HS2ST1: variants seen among roughly 807,000 people sequenced by gnomAD.
HS2ST1 encodes the protein 2-O-sulfotransferase.
In HS2ST1, 18 loss-of-function variants were observed where a neutral mutation model predicts 42.9. That is an observed-to-expected ratio of 0.42 (90% confidence interval 0.29 to 0.62). HS2ST1 has a LOEUF of 0.62. Among genes scored for constraint, HS2ST1 ranks in the 20% least tolerant of loss-of-function variants. The pLI, the probability that HS2ST1 is intolerant of heterozygous loss-of-function variation, is 0.21. For missense variants in HS2ST1, 334 were observed against 433.8 expected, an observed-to-expected ratio of 0.77 and a Z score of 2.04; for synonymous variants, 146 against 152.9, an observed-to-expected ratio of 0.95 and a Z score of 0.33.
At chr1:86,951,112 G>C (rs937878400) in intron 1 of HS2ST1, among the ~76,000 whole-genome samples, 3 of 152,206 alleles carry the variant, frequency 2.0e-5, no homozygotes, top group Non-Finnish European at 4.4e-5. Context: ...TTTATTAGCA[G>C]TACATGCTTC....
intron 1 of HS2ST1, among the ~76,000 whole-genome samples, chr1:87,021,622 C>T (rs1357258880): frequency 6.6e-6 from 1 of 152,166 alleles, no homozygotes; most frequent in African/African-American, 2.4e-5. Flanking sequence ...TCAAGGGATC[C>T]TCCCACCTCA....
intron 1 of HS2ST1, among the ~76,000 whole-genome samples, chr1:87,049,521 T>G (rs1650781118): frequency 6.6e-6 from 1 of 152,096 alleles, no homozygotes; most frequent in South Asian, 2.1e-4. Context: ...TTTTTTTCTT[T>G]GTCCTGTGGG....
intron 4 of HS2ST1, among the ~76,000 whole-genome samples, chr1:87,097,278 A>G (rs999027419): frequency 9.2e-5 from 14 of 152,268 alleles, no homozygotes; most frequent in Admixed American, 6.5e-4. Flanking sequence ...TAAAAAGCAT[A>G]TGAAACAAGT....
chr1:86,923,368 A>G (rs1177511775), intron 1 of HS2ST1, among the ~76,000 whole-genome samples: 2 of 152,148 alleles, frequency 1.3e-5, no homozygotes, highest in East Asian at 3.9e-4. Context: ...GTGGCAGGCA[A>G]AAAATGAGAA....
intron 1 of HS2ST1, among the ~76,000 whole-genome samples, chr1:86,992,203 CA>C (rs1288832248): frequency 6.6e-6 from 1 of 151,750 alleles, no homozygotes; most frequent in Non-Finnish European, 1.5e-5. Context: ...CAAATTCCCC[CA>C]CTCCTCCACC....
In HS2ST1 at chr1:87,105,705, C is replaced by T. The variant is rs1377311765; in HGVS notation, c.*1009C>T. 1 of 152,458 alleles carries T rather than the reference C, an allele frequency of 6.6e-6. No individual in the cohort carries two copies. The highest frequency in any genetic ancestry group is 2.4e-5 in the African/African-American group (1 of 41,418). 9.4% of individuals were successfully genotyped at this position (152,458 alleles called of 1,614,324 possible). A position where few individuals can be genotyped will look rare whatever the true frequency, so the allele number is the denominator to read the frequency against. On this transcript the variant is annotated 3_prime_UTR_variant, in exon 7 of 7. Transcript: ENST00000370550. ...GACCAAAAGGTTACAAGTAATTAGA[C>T]AAAAGTGGTTTTGCACCAATTTTAT...
chr1:86,941,815 C>G (rs1660769569), intron 1 of HS2ST1, among the ~76,000 whole-genome samples: 1 of 152,106 alleles, frequency 6.6e-6, no homozygotes, highest in Non-Finnish European at 1.5e-5. Context: ...ATCAAAGCCC[C>G]TGGTACCTGC....
intron 1 of HS2ST1, among the ~76,000 whole-genome samples, chr1:87,025,385 A>G (rs1302416306): frequency 6.6e-6 from 1 of 152,198 alleles, no homozygotes; most frequent in Admixed American, 6.5e-5. Context: ...CATGCTTTCT[A>G]GTCTCCCTCT....
chr1:86,932,870 T>C (rs1660572881), intron 1 of HS2ST1, among the ~76,000 whole-genome samples: 1 of 152,190 alleles, frequency 6.6e-6, no homozygotes, highest in South Asian at 2.1e-4. Context: ...AAAAAAATAT[T>C]CTTCAAAGTA....
Position 87,105,203 on chromosome 1 carries a change from A to G in HS2ST1, c.*507A>G, listed in dbSNP as rs1233586488. The G allele has an allele frequency of 4.6e-5, 7 of 152,640 alleles. No homozygotes were observed. The highest frequency in any genetic ancestry group is 1.0e-4 in the Non-Finnish European group (7 of 68,058). The allele number at this position is 152,640 out of a possible 1,614,324, so 9.5% of individuals were successfully genotyped here. A position where few individuals can be genotyped will look rare whatever the true frequency, so the allele number is the denominator to read the frequency against. On this transcript the variant is annotated 3_prime_UTR_variant, in exon 7 of 7. Coordinates refer to ENST00000370550, the MANE Select transcript of HS2ST1 (RefSeq NM_012262.4). ...GAAATTTATTGGAATGTTTAATCAT[A>G]TTTGCTAAGAAATGTTTCTGCTGTA...
chr1:87,027,361 G>T (rs1650114524), intron 1 of HS2ST1, among the ~76,000 whole-genome samples: 1 of 152,134 alleles, frequency 6.6e-6, no homozygotes, highest in African/African-American at 2.4e-5. Flanking sequence ...TTAGTGGGAA[G>T]GAAGCATACA....
At chr1:86,959,952 T>A (rs1185906176) in intron 1 of HS2ST1, among the ~76,000 whole-genome samples, 1 of 152,158 alleles carries the variant, frequency 6.6e-6, no homozygotes, top group African/African-American at 2.4e-5. Context: ...ATTCTAAAGT[T>A]TATATTGGTC....
chr1:87,076,268 T>A (rs1651540867), intron 2 of HS2ST1, among the ~76,000 whole-genome samples: 1 of 152,190 alleles, frequency 6.6e-6, no homozygotes, highest in Non-Finnish European at 1.5e-5. Flanking sequence ...TGGTCTGTGA[T>A]CAGATCCTTG....
chr1:87,057,565 C>CTTTTTTTTT (rs33933183), intron 1 of HS2ST1, among the ~76,000 whole-genome samples: 2 of 141,332 alleles, frequency 1.4e-5, no homozygotes, highest in African/African-American at 2.6e-5. Context: ...CCAGAAGGCA[C>CTTTTTTTTT]TTTTTTTTTT....
At chr1:86,971,143 C>A (rs541882669) in intron 1 of HS2ST1, among the ~76,000 whole-genome samples, 18 of 152,158 alleles carry the variant, frequency 1.2e-4, no homozygotes, top group African/African-American at 3.9e-4. Context: ...GCTAGAGATA[C>A]AATGATGGAA....
In HS2ST1 at chr1:87,046,660, C is replaced by G. The variant is rs1650676347; in HGVS notation, c.125-26274C>G. 3 of 1,506,968 alleles carry G rather than the reference C, an allele frequency of 2.0e-6. No individual in the cohort carries two copies. In the South Asian group the frequency reaches 3.8e-5, roughly 19 times the overall value. The allele number at this position is 1,506,968 out of a possible 1,614,324, so 93.3% of individuals were successfully genotyped here. On this transcript the variant is annotated intron_variant, in intron 1 of 6. Coordinates refer to ENST00000370550, the MANE Select transcript of HS2ST1 (RefSeq NM_012262.4). ...ATGCATCAGATCAACAGAATGAACC[C>G]CAGTTAGGCCTGAAAGACCGGCAGG...
chr1:87,000,106 TAA>T (rs140124849), intron 1 of HS2ST1, among the ~76,000 whole-genome samples: 109,335 of 148,718 alleles, frequency 0.74, 41,209 homozygotes, highest in East Asian at 0.97. Context: ...CTTGACTCAT[TAA>T]AAAAAAAAAA....
intron 1 of HS2ST1, among the ~76,000 whole-genome samples, chr1:86,916,845 C>T (rs1346142289): frequency 6.6e-6 from 1 of 152,078 alleles, no homozygotes; most frequent in African/African-American, 2.4e-5. Context: ...TTGGAATTGT[C>T]TGGAGTTGAT....
intron 1 of HS2ST1, among the ~76,000 whole-genome samples, chr1:87,038,778 A>C (rs1650447451): frequency 6.6e-6 from 1 of 152,112 alleles, no homozygotes; most frequent in South Asian, 2.1e-4. Flanking sequence ...AATAATAGTG[A>C]TTATGTGTTG....
Sources: allele counts gnomAD v4.1 joint callset (sites outside exome capture counted in the v4.1 genomes callset), GRCh38; gene constraint gnomAD v4.1.1; transcripts MANE v1.5; gene names NCBI Gene and HGNC (gene_info 2026-07-23, HGNC 2026-07-21).